Variants in JARID2 observed in about 807,000 individuals in gnomAD.
JARID2 encodes protein Jumonji.
In JARID2, 21 loss-of-function variants were observed where a neutral mutation model predicts 125.6. The observed-to-expected ratio is 0.17, with a 90% CI of 0.12 to 0.24. The LOEUF is 0.24. Ranked by LOEUF, JARID2 falls within the 10% of genes least tolerant of loss-of-function variation. JARID2 has a pLI of 1.00. For synonymous variants in JARID2, 736 were observed against 661.6 expected, an observed-to-expected ratio of 1.11 and a Z score of -1.73; for missense variants, 1,303 against 1,639.6, an observed-to-expected ratio of 0.79 and a Z score of 3.55.
chr6:15,338,706 T>C (rs1038357655), intron 1 of JARID2, among the ~76,000 whole-genome samples: 1 of 152,174 alleles, frequency 6.6e-6, no homozygotes, highest in African/African-American at 2.4e-5. Context: ...CCTATCTAGC[T>C]TCAGCCTCTC....
intron 5 of JARID2, among the ~76,000 whole-genome samples, chr6:15,480,143 C>T (rs534568427): frequency 1.0e-3 from 157 of 152,264 alleles, no homozygotes; most frequent in African/African-American, 3.5e-3. Context: ...CACATTTCTT[C>T]TTTATTTACA....
At chr6:15,492,561 AG>A (rs1263949570) in intron 6 of JARID2, among the ~76,000 whole-genome samples, 1 of 152,200 alleles carries the variant, frequency 6.6e-6, no homozygotes, top group East Asian at 1.9e-4. Context: ...GGCCAGGAAA[AG>A]GGGTGTCCTT....
chr6:15,292,531 A>G (rs899367535), intron 1 of JARID2, among the ~76,000 whole-genome samples: 6 of 152,184 alleles, frequency 3.9e-5, no homozygotes, highest in Non-Finnish European at 8.8e-5. Context: ...GTATTTTGAC[A>G]AATGATTTGC....
intron 8 of JARID2, 120 bp from the exon 9 acceptor site, chr6:15,504,380 C>T: frequency 1.4e-6 from 1 of 707,050 alleles, no homozygotes. Context: ...ACTCAGAATA[C>T]AAGGTGGCCC....
chr6:15,364,876 C>G (rs1220880806), intron 1 of JARID2, among the ~76,000 whole-genome samples: 1 of 152,130 alleles, frequency 6.6e-6, no homozygotes, highest in Non-Finnish European at 1.5e-5. Context: ...GAAATGTGAC[C>G]AGCATGACTC....
intron 1 of JARID2, among the ~76,000 whole-genome samples, chr6:15,301,168 A>ATCTTTGC (rs1161794820): frequency 6.6e-6 from 1 of 152,234 alleles, no homozygotes; most frequent in East Asian, 1.9e-4. Flanking sequence ...AGGAACAGCA[A>ATCTTTGC]GGGCCACATA....
intron 1 of JARID2, among the ~76,000 whole-genome samples, chr6:15,282,782 G>C (rs948936954): frequency 1.3e-5 from 2 of 151,674 alleles, no homozygotes; most frequent in African/African-American, 4.8e-5. Flanking sequence ...TGTATTTTTA[G>C]TAGAGACAGG....
At chr6:15,452,299 G>A in intron 4 of JARID2, 124 bp downstream of exon 4, 1 of 1,405,012 alleles carries the variant, frequency 7.1e-7, no homozygotes, top group South Asian at 1.5e-5. Context: ...CCTGGGTTGA[G>A]GGGGAATTGA....
At chr6:15,284,633 C>T (rs1454788939) in intron 1 of JARID2, among the ~76,000 whole-genome samples, 3 of 151,704 alleles carry the variant, frequency 2.0e-5, no homozygotes, top group African/African-American at 7.3e-5. Flanking sequence ...ATTACAGGCG[C>T]CTGCCAACAC....
chr6:15,264,606 G>GGTGTGT (rs1448294101), intron 1 of JARID2, among the ~76,000 whole-genome samples: 1 of 107,216 alleles, frequency 9.3e-6, no homozygotes, highest in Non-Finnish European at 2.0e-5. Context: ...TTAGAAGGTA[G>GGTGTGT]GTGTGAGTGT....
chr6:15,489,971 A>T (rs2327897), intron 6 of JARID2, among the ~76,000 whole-genome samples: 1 of 152,132 alleles, frequency 6.6e-6, no homozygotes, highest in East Asian at 1.9e-4. Flanking sequence ...CTGACCTTCA[A>T]TGAGACTTGA....
At chr6:15,441,358 T>G (rs894576444) in intron 3 of JARID2, among the ~76,000 whole-genome samples, 1 of 152,222 alleles carries the variant, frequency 6.6e-6, no homozygotes, top group Non-Finnish European at 1.5e-5. Context: ...TCCTAAAAAT[T>G]GGCTAATACT....
At chr6:15,254,689 CTG>C (rs1311239334) in intron 1 of JARID2, among the ~76,000 whole-genome samples, 1 of 152,128 alleles carries the variant, frequency 6.6e-6, no homozygotes, top group African/African-American at 2.4e-5. Flanking sequence ...CCAGTGAACA[CTG>C]AAATATTATC....
chr6:15,320,983 A>G (rs1762336332), intron 1 of JARID2, among the ~76,000 whole-genome samples: 1 of 151,988 alleles, frequency 6.6e-6, no homozygotes, highest in African/African-American at 2.4e-5. Context: ...AAATGTTAGA[A>G]TTCAAATTTG....
intron 1 of JARID2, among the ~76,000 whole-genome samples, chr6:15,351,221 T>A (rs959431116): frequency 2.0e-5 from 3 of 152,114 alleles, no homozygotes; most frequent in East Asian, 1.9e-4. Context: ...CATTTCTGAG[T>A]AATACCAACA....
intron 2 of JARID2, among the ~76,000 whole-genome samples, chr6:15,388,553 G>A (rs1764876274): frequency 6.7e-6 from 1 of 149,540 alleles, no homozygotes; most frequent in Non-Finnish European, 1.5e-5. Flanking sequence ...TGGGGATGAG[G>A]AGAGAAACAT....
intron 4 of JARID2, among the ~76,000 whole-genome samples, chr6:15,453,572 A>G (rs919319719): frequency 1.3e-5 from 2 of 152,210 alleles, no homozygotes; most frequent in Non-Finnish European, 2.9e-5. Flanking sequence ...TTTGCAGTGT[A>G]TAAGTGTTAA....
chr6:15,498,746 G>T (rs1182148983), intron 7 of JARID2, among the ~76,000 whole-genome samples: 1 of 152,222 alleles, frequency 6.6e-6, no homozygotes, highest in African/African-American at 2.4e-5. Context: ...AGAGTTCTTG[G>T]TTTGTGCTCT....
chr6:15,414,537 T>TCAAAAC (rs200412771), intron 3 of JARID2, among the ~76,000 whole-genome samples: 1 of 91,638 alleles, frequency 1.1e-5, no homozygotes, highest in Non-Finnish European at 2.2e-5. Flanking sequence ...ACAACAAAAC[T>TCAAAAC]CAAAACCGGT....
Sources: gnomAD v4.1 joint callset for allele counts (sites outside exome capture counted in the v4.1 genomes callset) on GRCh38, gnomAD v4.1.1 for gene constraint, MANE v1.5 for transcripts, NCBI Gene and HGNC (gene_info 2026-07-23, HGNC 2026-07-21) for gene names.